The following EBF1 variants were observed in gnomAD, a reference collection of about 807,000 sequenced individuals.
EBF1 encodes EBF transcription factor 1.
Under a neutral mutation model 68.4 loss-of-function variants are expected in EBF1, and 10 were observed. The ratio of observed to expected loss-of-function variants is 0.15; its 90% CI spans 0.09 to 0.25. The LOEUF (loss-of-function observed/expected upper bound fraction) is 0.25, where lower values mean the gene tolerates loss of function less well. Among genes scored for constraint, EBF1 ranks in the 10% least tolerant of loss-of-function variants. EBF1 has a pLI of 1.00. For synonymous variants in EBF1, 298 were observed against 299.8 expected (o/e 0.99, Z 0.06); for missense variants, 509 against 794.4 (o/e 0.64, Z 4.32).
rs895001104 is a variant in EBF1 at position 158,697,475 on chromosome 5, G to A, written c.*1636C>T. On this transcript the variant is annotated 3_prime_UTR_variant, in exon 16 of 16. Transcript: ENST00000313708. Reference sequence around the variant, plus strand: ...GACCAAACAAATACGCACTTTTCACGTAGCAAACATACACAATAAAATAAA... The same window carrying A: ...GACCAAACAAATACGCACTTTTCACATAGCAAACATACACAATAAAATAAA... 8.1e-5 allele frequency: 17 copies of A among 209,042 alleles called. 1 individual carries two copies. The highest frequency in any genetic ancestry group is 1.8e-4 in the Admixed American group (3 of 16,876). The allele number at this position is 209,042 out of a possible 1,614,324, so 12.9% of individuals were successfully genotyped here.
At chr5:158,728,439 C>T (rs1001268209) in intron 11 of EBF1, among the ~76,000 whole-genome samples, 5 of 152,284 alleles carry the variant, frequency 3.3e-5, no homozygotes, top group South Asian at 4.1e-4. Flanking sequence ...TAACATGCAA[C>T]CATAAAAGTG....
chr5:159,023,667 T>C (rs1767165151), intron 6 of EBF1, among the ~76,000 whole-genome samples: 1 of 152,208 alleles, frequency 6.6e-6, no homozygotes, highest in South Asian at 2.1e-4. Flanking sequence ...ACGTTGCCTT[T>C]TACTCGCAAA....
At chr5:159,042,860 T>TAAA (rs35868531) in intron 6 of EBF1, among the ~76,000 whole-genome samples, 1 of 147,896 alleles carries the variant, frequency 6.8e-6, no homozygotes, top group African/African-American at 2.5e-5. Flanking sequence ...ACATTCACAG[T>TAAA]AAAAAAAAAA....
At chr5:158,774,385 A>G (rs1774609499) in intron 10 of EBF1, among the ~76,000 whole-genome samples, 1 of 151,828 alleles carries the variant, frequency 6.6e-6, no homozygotes, top group South Asian at 2.1e-4. Context: ...TTTTAGAGAC[A>G]TTTACATCTA....
chr5:158,884,335 CCT>C (rs1432022631), intron 6 of EBF1, among the ~76,000 whole-genome samples: 2 of 152,032 alleles, frequency 1.3e-5, no homozygotes, highest in African/African-American at 4.8e-5. Context: ...TTGATTATAC[CCT>C]CTTTTGTAGA....
intron 6 of EBF1, among the ~76,000 whole-genome samples, chr5:159,011,195 C>G (rs1234459607): frequency 6.6e-6 from 1 of 152,170 alleles, no homozygotes; most frequent in Non-Finnish European, 1.5e-5. Context: ...TGCGTGTTTT[C>G]TTAAGGAAGT....
chr5:158,909,573 C>T (rs6866900), intron 6 of EBF1, among the ~76,000 whole-genome samples: 1 of 152,140 alleles, frequency 6.6e-6, no homozygotes, highest in Non-Finnish European at 1.5e-5. Context: ...ATTTACCCCT[C>T]TTCTAACAGA....
intron 6 of EBF1, among the ~76,000 whole-genome samples, chr5:158,886,414 TG>T (rs1562219001): frequency 1.3e-5 from 2 of 152,376 alleles, no homozygotes; most frequent in East Asian, 3.9e-4. Context: ...TGCTCTGCAC[TG>T]GTGTTTTCGA....
At chr5:158,848,371 T>G (rs1229250635) in intron 6 of EBF1, among the ~76,000 whole-genome samples, 1 of 152,224 alleles carries the variant, frequency 6.6e-6, no homozygotes, top group African/African-American at 2.4e-5. Context: ...GAAGCCAGCA[T>G]AATCATTTCA....
At chr5:158,840,660 TTTTTTTTTTTTTG>T (rs1562086362) in intron 6 of EBF1, among the ~76,000 whole-genome samples, 3,425 of 93,036 alleles carry the variant, frequency 0.037, 444 homozygotes, top group South Asian at 0.11. Flanking sequence ...TTTTTTTTTT[TTTTTTTTTTTTTG>T]TTTTTTTTTT....
chr5:158,733,422 A>G (rs1022064622), intron 10 of EBF1, among the ~76,000 whole-genome samples: 33 of 152,206 alleles, frequency 2.2e-4, no homozygotes, highest in African/African-American at 8.0e-4. Flanking sequence ...TGTTAATTGA[A>G]TGACTGTCTG....
chr5:159,054,581 T>C (rs960769588), intron 6 of EBF1, among the ~76,000 whole-genome samples: 2 of 152,242 alleles, frequency 1.3e-5, no homozygotes, highest in African/African-American at 4.8e-5. Flanking sequence ...CAAAGGATAT[T>C]AGCAGAGCAT....
At chr5:158,877,700 GCA>G (rs3035127) in intron 6 of EBF1, among the ~76,000 whole-genome samples, 16 of 150,744 alleles carry the variant, frequency 1.1e-4, no homozygotes, top group South Asian at 6.3e-4. Flanking sequence ...TACTACAAAC[GCA>G]CACACACACA....
chr5:158,731,455 G>A (rs1173027907), intron 10 of EBF1, among the ~76,000 whole-genome samples: 1 of 152,210 alleles, frequency 6.6e-6, no homozygotes, highest in Admixed American at 6.5e-5. Flanking sequence ...GGTATTTGAT[G>A]TGAGGTTTTT....
At chr5:158,765,824 A>T (rs1312832330) in intron 10 of EBF1, among the ~76,000 whole-genome samples, 1 of 152,182 alleles carries the variant, frequency 6.6e-6, no homozygotes, top group South Asian at 2.1e-4. Flanking sequence ...TAAAAGGGTG[A>T]GCCTACTTTA....
At chr5:159,074,145 A>G (rs1778310417) in intron 5 of EBF1, among the ~76,000 whole-genome samples, 1 of 152,154 alleles carries the variant, frequency 6.6e-6, no homozygotes, top group Non-Finnish European at 1.5e-5. Flanking sequence ...GGCATTATGG[A>G]CATTGGAAGT....
intron 6 of EBF1, among the ~76,000 whole-genome samples, chr5:159,016,168 GA>G (rs1259705074): frequency 6.6e-6 from 1 of 152,206 alleles, no homozygotes; most frequent in Non-Finnish European, 1.5e-5. Flanking sequence ...TAAAAGAGGT[GA>G]TGTCTGTACA....
At chr5:158,830,216 A>C (rs1787212093) in intron 7 of EBF1, among the ~76,000 whole-genome samples, 1 of 152,126 alleles carries the variant, frequency 6.6e-6, no homozygotes. Context: ...GAGCAGAGGC[A>C]AGCCTGAAGG....
intron 6 of EBF1, among the ~76,000 whole-genome samples, chr5:158,854,760 CA>C (rs1793653700): frequency 6.6e-6 from 1 of 152,190 alleles, no homozygotes; most frequent in Non-Finnish European, 1.5e-5. Context: ...AAACCCAGCA[CA>C]AACAAGTTTT....
Sources: gnomAD v4.1 joint callset for allele counts (sites outside exome capture counted in the v4.1 genomes callset) on GRCh38, gnomAD v4.1.1 for gene constraint, MANE v1.5 for transcripts, NCBI Gene and HGNC (gene_info 2026-07-23, HGNC 2026-07-21) for gene names.